Variants in PPP1R21 observed in about 807,000 individuals in gnomAD.
PPP1R21 encodes protein phosphatase 1 regulatory subunit 21.
A neutral mutation model predicts 112.8 loss-of-function variants in PPP1R21; 85 were observed. The observed-to-expected ratio is 0.75, with a 90% CI of 0.63 to 0.90. The LOEUF is 0.90. Among genes scored for constraint, PPP1R21 ranks in the 40% least tolerant of loss-of-function variants. PPP1R21 has a pLI of 0.00. For missense variants in PPP1R21, 1,199 were observed against 901.5 expected, an observed-to-expected ratio of 1.33 and a Z score of -4.23; for synonymous variants, 381 against 322.3, an observed-to-expected ratio of 1.18 and a Z score of -1.95.
chr2:48,513,260 A>G (rs1670720674), intron 21 of PPP1R21, among the ~76,000 whole-genome samples: 3 of 151,650 alleles, frequency 2.0e-5, no homozygotes, highest in Admixed American at 1.3e-4. Context: ...GCTGGAGTGC[A>G]GTGGTGAGAT....
At chr2:48,452,192 C>T (rs1171466510) in intron 2 of PPP1R21, among the ~76,000 whole-genome samples, 1 of 152,168 alleles carries the variant, frequency 6.6e-6, no homozygotes, top group Admixed American at 6.5e-5. Flanking sequence ...GTCCTAGTAG[C>T]CTGCGCTGGT....
rs1218734799 is a variant in PPP1R21 at position 48,501,924 on chromosome 2, A to C, written c.1935+3189A>C. On this transcript the variant is annotated intron_variant, in intron 17 of 21. Transcript: ENST00000294952. ...ATTTCTTTATAAATTAATAATTTTAAAACGTGGAATGCTTCATGAATTTTC... is the reference window on the plus strand; with the variant it reads ...ATTTCTTTATAAATTAATAATTTTACAACGTGGAATGCTTCATGAATTTTC... 3.3e-5 allele frequency: 5 copies of C among 152,194 alleles called. 1 individual carries two copies. In the East Asian group the frequency reaches 5.8e-4, roughly 18 times the overall value. 9.4% of individuals were successfully genotyped at this position (152,194 alleles called of 1,614,324 possible).
At chr2:48,453,420 T>A (rs967600877) in intron 2 of PPP1R21, among the ~76,000 whole-genome samples, 3 of 152,328 alleles carry the variant, frequency 2.0e-5, no homozygotes, top group Non-Finnish European at 2.9e-5. Context: ...CTCCAGCTTT[T>A]GGGCTTAAGC....
chr2:48,448,502 G>A lies in PPP1R21; in HGVS notation c.58-2506G>A, dbSNP rs539654327. Among the ~76,000 whole-genome samples the A allele has an allele frequency of 2.0e-4, 31 of 152,262 alleles. 1 individual carries two copies. The South Asian group carries it at 6.4e-3, about 32-fold the overall frequency. ...ACTTCAAGCTTCATTCTTAGTCCTT[G>A]AAGTAGTCGTTAGGAGCTTCTAAAT... On this transcript the variant is annotated intron_variant, in intron 1 of 21. Transcript: ENST00000294952.
At chr2:48,455,945 G>T (rs1317410115) in intron 3 of PPP1R21, among the ~76,000 whole-genome samples, 1 of 149,554 alleles carries the variant, frequency 6.7e-6, no homozygotes, top group Non-Finnish European at 1.5e-5. Context: ...AACCTGGGAG[G>T]CAGAGTTTGC....
Position 48,469,509 on chromosome 2 carries a change from CATATATAT to C in PPP1R21, c.898-1558_898-1551del, listed in dbSNP as rs374280494. Among the ~76,000 whole-genome samples the C allele has an allele frequency of 3.1e-3, 184 of 59,290 alleles. 28 individuals carry two copies. The highest frequency in any genetic ancestry group is 8.7e-3 in the African/African-American group (134 of 15,424). 38.9% of individuals were successfully genotyped at this position (59,290 alleles called of 152,430 possible). A position where few individuals can be genotyped will look rare whatever the true frequency, so the allele number is the denominator to read the frequency against. On this transcript the variant is annotated intron_variant, in intron 9 of 21. Transcript: ENST00000294952. ...AGAGCATATATATATATATATAGAG[CATATATAT>C]ATATATATATATATATATAGAGCAT...
At chr2:48,486,938 G>C (rs1474678703) in intron 14 of PPP1R21, among the ~76,000 whole-genome samples, 180 bp downstream of exon 14, 1 of 152,196 alleles carries the variant, frequency 6.6e-6, no homozygotes, top group East Asian at 1.9e-4. Context: ...TATTTTAAGA[G>C]AGGGATCTCT....
intron 9 of PPP1R21, among the ~76,000 whole-genome samples, chr2:48,468,127 T>C (rs1306539392): frequency 6.6e-6 from 1 of 152,210 alleles, no homozygotes; most frequent in African/African-American, 2.4e-5. Context: ...GGAAATATAC[T>C]TACTCTCTCT....
At chr2:48,449,184 A>T (rs951305052) in intron 1 of PPP1R21, among the ~76,000 whole-genome samples, 2 of 152,224 alleles carry the variant, frequency 1.3e-5, no homozygotes, top group East Asian at 3.8e-4. Context: ...TGCAAACTAT[A>T]ATAAACATAT....
At chr2:48,474,418 T>C (rs946570892) in intron 11 of PPP1R21, among the ~76,000 whole-genome samples, 7 of 152,208 alleles carry the variant, frequency 4.6e-5, no homozygotes, top group Non-Finnish European at 1.5e-5. Flanking sequence ...AATATTCTAA[T>C]GTTTTGTGTT....
intron 11 of PPP1R21, 68 bp from the exon 12 acceptor site, chr2:48,474,615 G>C: frequency 7.1e-7 from 1 of 1,407,516 alleles, no homozygotes; most frequent in Non-Finnish European, 9.7e-7. Context: ...TGAGAACTTG[G>C]TTGGCTGCTA....
rs548931705 is a variant in PPP1R21 at position 48,507,518 on chromosome 2, C to T, written c.2085+133C>T. 27 of 1,328,156 alleles carry T rather than the reference C, an allele frequency of 2.0e-5. No homozygotes were observed. In the African/African-American group the frequency reaches 4.0e-4, roughly 20 times the overall value. 82.3% of individuals were successfully genotyped at this position (1,328,156 alleles called of 1,614,324 possible). A position where few individuals can be genotyped will look rare whatever the true frequency, so the allele number is the denominator to read the frequency against. ...AAGTAGCTGGGACTATGGGTGTGTA[C>T]CACCACGCCCAGCTAATTTTTTGTA... On this transcript the variant is annotated intron_variant, in intron 19 of 21. Coordinates refer to ENST00000294952, the MANE Select transcript of PPP1R21 (RefSeq NM_001135629.3).
chr2:48,507,212 A>G (rs1163726285), intron 18 of PPP1R21, 57 bp from the exon 19 acceptor site: 14 of 1,220,052 alleles, frequency 1.1e-5, no homozygotes, highest in Non-Finnish European at 1.5e-5. Context: ...TTTTTTTTCT[A>G]GAAATGCTTC....
chr2:48,515,001 G>T lies in PPP1R21; in HGVS notation c.*257G>T. The T allele has an allele frequency of 2.3e-6, 1 of 443,080 alleles. No individual in the cohort carries two copies. Among genetic ancestry groups the T allele is most frequent in the Non-Finnish European group, 4.0e-6 (1 of 252,968 alleles). 27.4% of individuals were successfully genotyped at this position (443,080 alleles called of 1,614,324 possible). On this transcript the variant is annotated 3_prime_UTR_variant, in exon 22 of 22. Transcript: ENST00000294952. ...TGGATATTGTAGGTTTCCTTATGCTGTTTTTACTGTGCACTTTTTAAAATT... is the reference window on the plus strand; with the variant it reads ...TGGATATTGTAGGTTTCCTTATGCTTTTTTTACTGTGCACTTTTTAAAATT...
chr2:48,464,904 A>G, intron 7 of PPP1R21, 33 bp from the exon 8 acceptor site: 2 of 1,524,952 alleles, frequency 1.3e-6, no homozygotes, highest in East Asian at 2.4e-5. Context: ...ATGTGAAATG[A>G]GAGACTTAAT....
intron 19 of PPP1R21, among the ~76,000 whole-genome samples, chr2:48,508,160 A>G (rs1670475863): frequency 6.6e-6 from 1 of 152,162 alleles, no homozygotes; most frequent in Non-Finnish European, 1.5e-5. Flanking sequence ...GGGCAAATGA[A>G]GAGAGAAAGT....
chr2:48,459,678 A>C (rs1428539234), intron 4 of PPP1R21, 76 bp from the exon 5 acceptor site: 3 of 1,488,314 alleles, frequency 2.0e-6, no homozygotes, highest in Non-Finnish European at 2.7e-6. Flanking sequence ...TGCTCAGTGA[A>C]TAGTCACTGC....
rs768247941 is a variant in PPP1R21 at position 48,458,198 on chromosome 2, A to G, written c.346A>G (p.Ile116Val). The part of the protein sequence containing the change: ...SVFDEDLQKK[I>V]EENERLHIQF... ...CTTTGATGAAGATCTGCAAAAGAAGATAGAAGAGAATGAACGGTTGCATAT... is the reference window on the plus strand; with the variant it reads ...CTTTGATGAAGATCTGCAAAAGAAGGTAGAAGAGAATGAACGGTTGCATAT... The change falls in exon 4 of 22, where the codon ATA (isoleucine) becomes GTA (valine). Residue 116 changes from isoleucine (I) to valine (V), a missense_variant. Physicochemically the swap from Ile to Val is conservative, Grantham distance 29. Coordinates refer to ENST00000294952, the MANE Select transcript of PPP1R21 (RefSeq NM_001135629.3). The G allele has an allele frequency of 1.2e-5, 20 of 1,611,704 alleles. No homozygotes were observed. Among genetic ancestry groups the G allele is most frequent in the Admixed American group, 1.7e-5 (1 of 59,986 alleles).
intron 14 of PPP1R21, among the ~76,000 whole-genome samples, chr2:48,487,430 A>T (rs1190448467): frequency 6.6e-6 from 1 of 152,046 alleles, no homozygotes; most frequent in Admixed American, 6.6e-5. Context: ...TAAATACTTA[A>T]TTTTCACTAT....
Sources: gnomAD v4.1 joint callset for allele counts (sites outside exome capture counted in the v4.1 genomes callset) on GRCh38, gnomAD v4.1.1 for gene constraint, MANE v1.5 for transcripts, NCBI Gene and HGNC (gene_info 2026-07-23, HGNC 2026-07-21) for gene names.